RANBP2: variants seen among roughly 807,000 people sequenced by gnomAD.
RANBP2 encodes RAN binding protein 2, also known as E3 SUMO-protein ligase RanBP2.
In RANBP2, 57 loss-of-function variants were observed where a neutral mutation model predicts 303.6. The ratio of observed to expected loss-of-function variants is 0.19; its 90% CI spans 0.15 to 0.23. The LOEUF is 0.23. Among genes scored for constraint, RANBP2 ranks in the 10% least tolerant of loss-of-function variants. The pLI is 1.00. For synonymous variants in RANBP2, 1,167 were observed against 1,301.5 expected (o/e 0.90, Z 2.23); for missense variants, 3,138 against 3,780.8 (o/e 0.83, Z 4.46).
chr2:109,465,296 T>C, the RANBP2 span, among the ~76,000 whole-genome samples: 3 of 152,198 alleles, frequency 2.0e-5, no homozygotes, highest in Non-Finnish European at 4.4e-5. Context: ...TGTGTGGGTT[T>C]TTATATGGAC....
chr2:109,125,097 G>C, the RANBP2 span, among the ~76,000 whole-genome samples: 1 of 152,364 alleles, frequency 6.6e-6, no homozygotes, highest in African/African-American at 2.4e-5. Context: ...AGGCAGTCAA[G>C]TCTGGGGTTG....
chr2:109,414,144 A>G, the RANBP2 span, among the ~76,000 whole-genome samples: 5 of 152,232 alleles, frequency 3.3e-5, no homozygotes, highest in African/African-American at 7.2e-5. Flanking sequence ...TGTCCCGCAG[A>G]TGGGGCCAGG....
At chr2:109,230,529 G>A in the RANBP2 span, among the ~76,000 whole-genome samples, 84 of 152,240 alleles carry the variant, frequency 5.5e-4, no homozygotes, top group African/African-American at 1.9e-3. Context: ...GAAGTGAGCT[G>A]AGATAGTACC....
Position 108,753,164 on chromosome 2 carries a change from C to A in RANBP2, c.1917+5C>A, listed in dbSNP as rs1275805663. 40 of 1,611,274 alleles carry A rather than the reference C, an allele frequency of 2.5e-5. No individual in the cohort carries two copies. Among genetic ancestry groups the A allele is most frequent in the Non-Finnish European group, 3.3e-5 (39 of 1,179,596 alleles). ...TTTCATAGTGTAGACATTCAGGTAACAGAGTTCCTTTATGAATTTATTGGA... is the reference window on the plus strand; with the variant it reads ...TTTCATAGTGTAGACATTCAGGTAAAAGAGTTCCTTTATGAATTTATTGGA... On this transcript the variant is annotated splice_donor_5th_base_variant and intron_variant, in intron 13 of 28. Coordinates refer to ENST00000283195, the MANE Select transcript of RANBP2 (RefSeq NM_006267.5).
the RANBP2 span, among the ~76,000 whole-genome samples, chr2:109,150,423 G>A: frequency 6.6e-6 from 1 of 152,086 alleles, no homozygotes; most frequent in Non-Finnish European, 1.5e-5. Flanking sequence ...TATGAGCCTG[G>A]AACTACTCTG....
At chr2:109,409,649 C>T in the RANBP2 span, among the ~76,000 whole-genome samples, 1 of 152,158 alleles carries the variant, frequency 6.6e-6, no homozygotes, top group African/African-American at 2.4e-5. Context: ...GCTGCTGCCT[C>T]TCCCAGGACA....
the RANBP2 span, among the ~76,000 whole-genome samples, chr2:109,323,025 C>T: frequency 6.6e-6 from 1 of 152,146 alleles, no homozygotes; most frequent in African/African-American, 2.4e-5. Flanking sequence ...TTTCTTATAC[C>T]CCTAGGTGGT....
the RANBP2 span, among the ~76,000 whole-genome samples, chr2:109,439,711 C>G: frequency 1.3e-5 from 2 of 152,098 alleles, no homozygotes; most frequent in Non-Finnish European, 2.9e-5. Flanking sequence ...AAGAGCCCAG[C>G]ATAGCCATGA....
intron 19 of RANBP2, among the ~76,000 whole-genome samples, chr2:108,762,825 T>TCAA (rs1274513350): frequency 3.9e-5 from 6 of 152,110 alleles, no homozygotes; most frequent in South Asian, 4.2e-4. Context: ...ATCATCATCA[T>TCAA]CATTAACATC....
At chr2:109,425,273 A>G in the RANBP2 span, among the ~76,000 whole-genome samples, 2 of 152,284 alleles carry the variant, frequency 1.3e-5, no homozygotes, top group Admixed American at 6.5e-5. Flanking sequence ...TCTCTGCAAC[A>G]TAAAAGTACA....
At chr2:108,841,016 G>T in the RANBP2 span, among the ~76,000 whole-genome samples, 19 of 151,552 alleles carry the variant, frequency 1.3e-4, 1 homozygote, top group Admixed American at 5.9e-4. Context: ...TTGTTTGTTT[G>T]TTTGTTTGTT....
the RANBP2 span, among the ~76,000 whole-genome samples, chr2:109,722,868 C>T: frequency 6.6e-6 from 1 of 152,152 alleles, no homozygotes; most frequent in African/African-American, 2.4e-5. Flanking sequence ...CATTTTCTAT[C>T]ATTGATGGGT....
chr2:109,262,713 C>T, the RANBP2 span, among the ~76,000 whole-genome samples: 4 of 152,098 alleles, frequency 2.6e-5, no homozygotes, highest in East Asian at 1.9e-4. Flanking sequence ...ATTCTTTATC[C>T]GCAAATAGCT....
chr2:109,315,135 G>T, the RANBP2 span, among the ~76,000 whole-genome samples: 11 of 152,218 alleles, frequency 7.2e-5, no homozygotes, highest in African/African-American at 2.4e-4. Flanking sequence ...AAGGAAACCT[G>T]TTTTACTTTA....
chr2:108,996,546 C>A, the RANBP2 span, among the ~76,000 whole-genome samples: 1 of 152,190 alleles, frequency 6.6e-6, no homozygotes, highest in Non-Finnish European at 1.5e-5. Context: ...GAAATACATA[C>A]CCCAGACGGG....
chr2:108,931,425 G>A, the RANBP2 span, among the ~76,000 whole-genome samples: 1 of 152,242 alleles, frequency 6.6e-6, no homozygotes, highest in Non-Finnish European at 1.5e-5. Flanking sequence ...CCCCTGGAGA[G>A]ACTGCCAGGA....
chr2:109,105,834 C>T, the RANBP2 span, among the ~76,000 whole-genome samples: 37 of 148,760 alleles, frequency 2.5e-4, no homozygotes, highest in Middle Eastern at 0.014. Context: ...GGATTACAGG[C>T]GTGAGCCACC....
chr2:108,913,196 G>A, the RANBP2 span, among the ~76,000 whole-genome samples: 18 of 152,058 alleles, frequency 1.2e-4, no homozygotes, highest in South Asian at 4.2e-4. Flanking sequence ...TGATCTGCCC[G>A]CCTCGGCCTC....
chr2:108,942,539 C>G, the RANBP2 span, among the ~76,000 whole-genome samples: 1 of 152,270 alleles, frequency 6.6e-6, no homozygotes, highest in Non-Finnish European at 1.5e-5. Context: ...CAGGGGCCAG[C>G]GTCCCCGTCT....
Sources: gnomAD v4.1 joint callset for allele counts (sites outside exome capture counted in the v4.1 genomes callset) on GRCh38, gnomAD v4.1.1 for gene constraint, MANE v1.5 for transcripts, NCBI Gene and HGNC (gene_info 2026-07-23, HGNC 2026-07-21) for gene names.